The following ST6GALNAC3 variants were observed in gnomAD, a reference collection of about 807,000 sequenced individuals.
The protein encoded by ST6GALNAC3 is alpha-N-acetylgalactosaminide alpha-2,6-sialyltransferase 3.
A neutral mutation model predicts 32.7 loss-of-function variants in ST6GALNAC3; 25 were observed. The observed-to-expected ratio is 0.76, with a 90% CI of 0.56 to 1.07. The LOEUF (loss-of-function observed/expected upper bound fraction) is 1.07. Among genes scored for constraint, ST6GALNAC3 ranks in the 50% least tolerant of loss-of-function variants. The probability of loss-of-function intolerance (pLI) is 0.00; values close to 1 mark genes in which losing one functional copy is unlikely to be tolerated. For missense variants in ST6GALNAC3, 355 were observed against 382.4 expected (o/e 0.93, Z 0.60); for synonymous variants, 129 against 133.1 (o/e 0.97, Z 0.21).
At chr1:76,312,039 G>A (rs1175244328) in intron 1 of ST6GALNAC3, among the ~76,000 whole-genome samples, 1 of 152,166 alleles carries the variant, frequency 6.6e-6, no homozygotes, top group Non-Finnish European at 1.5e-5. Flanking sequence ...TAGTGATGAT[G>A]ACCTTTTTTT....
At chr1:76,182,124 G>T (rs1653218993) in intron 1 of ST6GALNAC3, among the ~76,000 whole-genome samples, 2 of 152,272 alleles carry the variant, frequency 1.3e-5, no homozygotes, top group East Asian at 3.9e-4. Context: ...TTAGAAGACT[G>T]ATATGAAATA....
intron 1 of ST6GALNAC3, among the ~76,000 whole-genome samples, chr1:76,251,257 T>C (rs924482567): frequency 3.3e-5 from 5 of 152,178 alleles, no homozygotes; most frequent in Non-Finnish European, 1.5e-5. Flanking sequence ...GTGTAAACTT[T>C]CTCTTTCCTA....
intron 2 of ST6GALNAC3, among the ~76,000 whole-genome samples, chr1:76,348,173 G>A (rs1570918208): frequency 6.6e-6 from 1 of 152,030 alleles, no homozygotes; most frequent in African/African-American, 2.4e-5. Flanking sequence ...CTGAAAAATG[G>A]CCTCTACTGT....
At chr1:76,365,444 C>A (rs1650292287) in intron 2 of ST6GALNAC3, among the ~76,000 whole-genome samples, 1 of 152,198 alleles carries the variant, frequency 6.6e-6, no homozygotes, top group African/African-American at 2.4e-5. Context: ...ATCCATGTAA[C>A]AAACCTGCAC....
intron 1 of ST6GALNAC3, among the ~76,000 whole-genome samples, chr1:76,145,408 G>T (rs949060388): frequency 3.3e-5 from 5 of 152,150 alleles, no homozygotes; most frequent in Non-Finnish European, 7.3e-5. Context: ...CTAGCAGCAT[G>T]GGCATCACCA....
At chr1:76,491,907 C>G (rs1244668768) in intron 3 of ST6GALNAC3, among the ~76,000 whole-genome samples, 1 of 152,188 alleles carries the variant, frequency 6.6e-6, no homozygotes, top group Non-Finnish European at 1.5e-5. Context: ...ATCTCTTTTT[C>G]AAGTCCTACA....
At chr1:76,234,140 A>G (rs929383868) in intron 1 of ST6GALNAC3, among the ~76,000 whole-genome samples, 2 of 152,126 alleles carry the variant, frequency 1.3e-5, no homozygotes, top group Non-Finnish European at 2.9e-5. Flanking sequence ...GCTTTTATCC[A>G]CCTTACCACC....
chr1:76,545,742 C>T (rs575302152), intron 3 of ST6GALNAC3, among the ~76,000 whole-genome samples: 218 of 151,902 alleles, frequency 1.4e-3, no homozygotes, highest in Middle Eastern at 3.4e-3. Context: ...CCACAGCCTC[C>T]GCCTCTCAGG....
At chr1:76,182,299 T>C (rs1276911598) in intron 1 of ST6GALNAC3, among the ~76,000 whole-genome samples, 1 of 152,212 alleles carries the variant, frequency 6.6e-6, no homozygotes, top group Non-Finnish European at 1.5e-5. Context: ...GCAGCCACTC[T>C]TAAGAGAGAT....
At chr1:76,375,413 A>G (rs925336881) in intron 2 of ST6GALNAC3, among the ~76,000 whole-genome samples, 3 of 152,230 alleles carry the variant, frequency 2.0e-5, no homozygotes, top group Non-Finnish European at 4.4e-5. Flanking sequence ...AAAATGTCTG[A>G]AGGAATTAGA....
intron 1 of ST6GALNAC3, among the ~76,000 whole-genome samples, chr1:76,205,797 C>T (rs183721185): frequency 2.0e-5 from 3 of 152,088 alleles, no homozygotes; most frequent in Admixed American, 2.0e-4. Flanking sequence ...GCAGTAAGTA[C>T]TAAATCTATG....
intron 1 of ST6GALNAC3, among the ~76,000 whole-genome samples, chr1:76,297,944 G>T (rs78506642): frequency 2.0e-5 from 3 of 151,794 alleles, no homozygotes; most frequent in African/African-American, 7.3e-5. Flanking sequence ...AAAGTTTCTA[G>T]GGTTGTACAA....
At chr1:76,237,768 T>C (rs1175912529) in intron 1 of ST6GALNAC3, among the ~76,000 whole-genome samples, 1 of 152,140 alleles carries the variant, frequency 6.6e-6, no homozygotes, top group Non-Finnish European at 1.5e-5. Context: ...GAAACGCTGG[T>C]TTCAGTGTCA....
intron 3 of ST6GALNAC3, among the ~76,000 whole-genome samples, chr1:76,521,839 C>T (rs748727019): frequency 6.6e-6 from 1 of 152,062 alleles, no homozygotes; most frequent in African/African-American, 2.4e-5. Context: ...GAGGCCGAGG[C>T]AGGTGGATTG....
intron 2 of ST6GALNAC3, among the ~76,000 whole-genome samples, chr1:76,384,583 C>T (rs1466980376): frequency 6.6e-6 from 1 of 152,012 alleles, no homozygotes; most frequent in African/African-American, 2.4e-5. Flanking sequence ...CTACAGAATG[C>T]ATTTTTTTCA....
chr1:76,327,280 G>A (rs1647093705), intron 2 of ST6GALNAC3, among the ~76,000 whole-genome samples: 1 of 86,104 alleles, frequency 1.2e-5, no homozygotes, highest in African/African-American at 8.8e-5. Flanking sequence ...ATATGCGTGT[G>A]TGTGTGTGTG....
intron 2 of ST6GALNAC3, among the ~76,000 whole-genome samples, chr1:76,405,809 G>T (rs1338840241): frequency 2.0e-5 from 3 of 151,842 alleles, no homozygotes; most frequent in South Asian, 4.1e-4. Flanking sequence ...ACCCAGGAAA[G>T]AATTGGTTAA....
intron 3 of ST6GALNAC3, among the ~76,000 whole-genome samples, chr1:76,451,730 G>C (rs1657418873): frequency 6.6e-6 from 1 of 152,174 alleles, no homozygotes; most frequent in Admixed American, 6.5e-5. Context: ...GTCACTGTTT[G>C]TGTATAGCAG....
At chr1:76,627,349 A>G in intron 3 of ST6GALNAC3, 103 bp from the exon 4 acceptor site, 6 of 738,840 alleles carry the variant, frequency 8.1e-6, no homozygotes, top group Non-Finnish European at 1.4e-5. Flanking sequence ...AACAAGTGCT[A>G]TGTTTTTGAT....
Sources: allele counts gnomAD v4.1 joint callset (sites outside exome capture counted in the v4.1 genomes callset), GRCh38; gene constraint gnomAD v4.1.1; transcripts MANE v1.5; gene names NCBI Gene and HGNC (gene_info 2026-07-23, HGNC 2026-07-21).